Variants in HBS1L observed in about 807,000 individuals in gnomAD.
HBS1L encodes the protein HBS1 like translational GTPase, also known as HBS1-like protein.
A neutral mutation model predicts 88.9 loss-of-function variants in HBS1L; 55 were observed. That is an observed-to-expected ratio of 0.62 (90% CI 0.50 to 0.77). The LOEUF (loss-of-function observed/expected upper bound fraction) is 0.77. Among genes scored for constraint, HBS1L ranks in the 30% least tolerant of loss-of-function variants. The pLI is 0.00. For missense variants in HBS1L, 741 were observed against 829.3 expected (o/e 0.89, Z 1.31); for synonymous variants, 267 against 288.5 (o/e 0.93, Z 0.76).
chr6:134,977,426 T>C (rs1176999307), intron 15 of HBS1L, among the ~76,000 whole-genome samples: 4 of 151,740 alleles, frequency 2.6e-5, no homozygotes, highest in Non-Finnish European at 5.9e-5. Context: ...AATTAACTTG[T>C]TGTTACTTGA....
rs1438912591 is a variant in HBS1L, at chr6:134,964,239, G to C, written c.*1040C>G. On this transcript the variant is annotated 3_prime_UTR_variant, in exon 18 of 18. Coordinates refer to ENST00000367837, the MANE Select transcript of HBS1L (RefSeq NM_006620.4). ...CTATCAGATCAGAGTTCCAGGTTCA[G>C]CTGAGGTCAAAATCTACTCTAAAGC... is the stretch of plus-strand genomic sequence containing the variant. The C allele has an allele frequency of 6.6e-6, 1 of 152,048 alleles. No individual in the cohort carries two copies. Among genetic ancestry groups the C allele is most frequent in the Non-Finnish European group, 1.5e-5 (1 of 68,008 alleles). The allele number at this position is 152,048 out of a possible 1,614,324, so 9.4% of individuals were successfully genotyped here. A position where few individuals can be genotyped will look rare whatever the true frequency, so the allele number is the denominator to read the frequency against.
At chr6:134,990,070 T>A (rs182779128) in intron 8 of HBS1L, among the ~76,000 whole-genome samples, 2 of 152,326 alleles carry the variant, frequency 1.3e-5, no homozygotes, top group East Asian at 3.9e-4. Context: ...GTTTTCATAA[T>A]AACTGTAAAA....
rs577256633 is a variant in HBS1L at position 135,051,181 on chromosome 6, C to T, written c.44-534G>A. Among the ~76,000 whole-genome samples, 9 of 151,806 alleles carry T rather than the reference C, an allele frequency of 5.9e-5. No homozygotes were observed. In the East Asian group the frequency reaches 7.7e-4, roughly 13 times the overall value. The stretch of plus-strand genomic sequence containing the variant: ...GCAAGGTTGCAGTGAGCCAAGACCG[C>T]GCCACTGCACTCAGCCTGGGCGACA... On this transcript the variant is annotated intron_variant, in intron 1 of 17. Transcript: ENST00000367837.
At chr6:135,008,097 C>T (rs758406853) in intron 4 of HBS1L, among the ~76,000 whole-genome samples, 1 of 152,126 alleles carries the variant, frequency 6.6e-6, no homozygotes, top group Non-Finnish European at 1.5e-5. Flanking sequence ...ATGCACCATT[C>T]CAAAGAAAGA....
chr6:135,046,858 C>T (rs1776927735), intron 2 of HBS1L, among the ~76,000 whole-genome samples: 1 of 152,140 alleles, frequency 6.6e-6, no homozygotes, highest in Non-Finnish European at 1.5e-5. Flanking sequence ...TCTTCTAAAA[C>T]CATTCATTTT....
intron 4 of HBS1L, chr6:135,036,643 A>T: frequency 6.4e-7 from 1 of 1,550,696 alleles, no homozygotes; most frequent in Non-Finnish European, 8.7e-7. Flanking sequence ...TGTTATTGCT[A>T]CAAGTGGACT....
At chr6:135,045,704 G>C (rs756050883) in intron 2 of HBS1L, among the ~76,000 whole-genome samples, 10 of 152,038 alleles carry the variant, frequency 6.6e-5, no homozygotes, top group African/African-American at 2.4e-4. Flanking sequence ...GCGTGGTGGC[G>C]GGCGCCTGCA....
intron 5 of HBS1L, 26 bp downstream of exon 5, chr6:135,002,708 G>A: frequency 1.7e-6 from 2 of 1,158,728 alleles, no homozygotes; most frequent in East Asian, 4.1e-5. Context: ...TGGGGGTGGG[G>A]ATGAGGGAGG....
chr6:135,041,334 T>C (rs1167186928), intron 3 of HBS1L, among the ~76,000 whole-genome samples: 1 of 151,812 alleles, frequency 6.6e-6, no homozygotes, highest in African/African-American at 2.4e-5. Context: ...ATAGTATAGC[T>C]AGCTAGCATC....
Position 134,997,400 on chromosome 6 carries a change from T to C in HBS1L, c.796A>G (p.Ile266Val). ...GGKQLLNLVV[I>V]GHVDAGKSTL... ...CCAGAGGGACAAAGAGCATTACCAATGACCACTAAGTTGAGTAGCTGCTTC... is the reference window on the plus strand; with the variant it reads ...CCAGAGGGACAAAGAGCATTACCAACGACCACTAAGTTGAGTAGCTGCTTC... Residue 266 changes from isoleucine (I) to valine (V), a missense_variant, in exon 6 of 18, where the codon ATT becomes GTT. By Grantham distance (29) the Ile-to-Val change is conservative. This residue lies in a region of HBS1L where 556 missense variants were observed against 598.4 expected (regional missense o/e 0.93). Coordinates refer to ENST00000367837, the MANE Select transcript of HBS1L (RefSeq NM_006620.4). The C allele has an allele frequency of 1.2e-6, 2 of 1,613,984 alleles. No individual in the cohort carries two copies. Among genetic ancestry groups the C allele is most frequent in the Non-Finnish European group, 8.5e-7 (1 of 1,179,928 alleles).
chr6:135,012,125 T>C (rs1775793943), intron 4 of HBS1L, among the ~76,000 whole-genome samples: 1 of 152,166 alleles, frequency 6.6e-6, no homozygotes, highest in South Asian at 2.1e-4. Context: ...AATGATATTG[T>C]TCACTGTGTT....
chr6:135,040,778 A>T (rs1479704064), intron 3 of HBS1L, among the ~76,000 whole-genome samples: 4 of 152,230 alleles, frequency 2.6e-5, no homozygotes, highest in African/African-American at 7.2e-5. Context: ...TAAAATCCAT[A>T]AGAGCAGAGA....
In HBS1L at chr6:134,973,648, T is replaced by C. The variant is rs575677378; in HGVS notation, c.1798-4310A>G. Among the ~76,000 whole-genome samples, 360 of 152,162 alleles carry C rather than the reference T, an allele frequency of 2.4e-3. 4 individuals are homozygous for C. Among genetic ancestry groups the C allele is most frequent in the African/African-American group, 8.1e-3 (335 of 41,516 alleles). On this transcript the variant is annotated intron_variant, in intron 15 of 17. Coordinates refer to ENST00000367837, the MANE Select transcript of HBS1L (RefSeq NM_006620.4). ...CTGGCCAACATGGTGAAACCCCGTCTCCACTAAAAATAAAACAAATTAGCC... is the reference window on the plus strand; with the variant it reads ...CTGGCCAACATGGTGAAACCCCGTCCCCACTAAAAATAAAACAAATTAGCC...
At position 135,037,212 on chromosome 6, in the gene HBS1L, C is replaced by T. The variant is rs770768983; in HGVS notation, c.430+2361G>A. The T allele has an allele frequency of 9.0e-6, 14 of 1,551,706 alleles. No homozygotes were observed. The African/African-American group carries it at 1.8e-4, about 20-fold the overall frequency. ...ACTGACAGCGATTTGCTAATTGTGA[C>T]AGGGGAAAGGATCCCAAACTTAGAT... On this transcript the variant is annotated intron_variant, in intron 4 of 17. Transcript: ENST00000367837.
At chr6:135,038,711 TC>T (rs1776634736) in intron 4 of HBS1L, among the ~76,000 whole-genome samples, 1 of 152,156 alleles carries the variant, frequency 6.6e-6, no homozygotes, top group South Asian at 2.1e-4. Context: ...CCACCTCAGT[TC>T]CCCTCTTATG....
intron 4 of HBS1L, among the ~76,000 whole-genome samples, chr6:135,012,775 A>G (rs963085831): frequency 7.2e-5 from 11 of 152,188 alleles, no homozygotes; most frequent in Admixed American, 5.9e-4. Flanking sequence ...CACTACTTTC[A>G]TGAAAATTAT....
At chr6:135,020,196 A>G (rs1776034246) in intron 4 of HBS1L, among the ~76,000 whole-genome samples, 1 of 151,564 alleles carries the variant, frequency 6.6e-6, no homozygotes, top group Admixed American at 6.6e-5. Flanking sequence ...TAACTTGAGT[A>G]CCTCAATTCA....
intron 4 of HBS1L, among the ~76,000 whole-genome samples, chr6:135,017,859 T>C (rs903614625): frequency 3.3e-5 from 5 of 151,966 alleles, no homozygotes; most frequent in African/African-American, 9.7e-5. Flanking sequence ...TTTATATTTA[T>C]ATGGCTTAGA....
At chr6:135,046,720 T>C (rs1776924810) in intron 2 of HBS1L, among the ~76,000 whole-genome samples, 1 of 152,172 alleles carries the variant, frequency 6.6e-6, no homozygotes, top group Non-Finnish European at 1.5e-5. Context: ...CAAAAAAATA[T>C]ACACGTGCTG....
Sources: allele counts gnomAD v4.1 joint callset (sites outside exome capture counted in the v4.1 genomes callset), GRCh38; gene constraint gnomAD v4.1.1; regional missense constraint gnomAD v4.1.1; transcripts MANE v1.5; gene names NCBI Gene and HGNC (gene_info 2026-07-23, HGNC 2026-07-21).